The following TBCB variants were observed in gnomAD, a reference collection of about 807,000 sequenced individuals.
TBCB encodes the protein tubulin-folding cofactor B.
Under a neutral mutation model 29.2 loss-of-function variants are expected in TBCB, and 18 were observed. That is an observed-to-expected ratio of 0.62 (90% CI 0.43 to 0.91). TBCB has a LOEUF of 0.91. TBCB is among the 40% of genes least tolerant of loss of function. The pLI is 0.00. For synonymous variants in TBCB, 172 were observed against 137.8 expected (o/e 1.25, Z -1.74); for missense variants, 336 against 337.6 (o/e 1.00, Z 0.04).
intron 2 of TBCB, among the ~76,000 whole-genome samples, chr19:36,120,134 A>T (rs1415451406): frequency 6.6e-6 from 1 of 151,956 alleles, no homozygotes; most frequent in African/African-American, 2.4e-5. Context: ...CTCCATAGCC[A>T]TCCTCCAGTG....
rs897247511 is a variant in TBCB at position 36,122,505 on chromosome 19, C to T, written c.547+787C>T. 6.4e-5 allele frequency among the ~76,000 whole-genome samples: 9 copies of T among 141,336 alleles called. 1 individual carries two copies. The Admixed American group carries it at 7.0e-4, about 11-fold the overall frequency. 92.7% of individuals were successfully genotyped at this position (141,336 alleles called of 152,430 possible). A position where few individuals can be genotyped will look rare whatever the true frequency, so the allele number is the denominator to read the frequency against. ...ATCCCAGCACTTTGGGAGGCTGAGA[C>T]AGGAGGATCACTTGAACCCAGGAAT... On this transcript the variant is annotated intron_variant, in intron 4 of 5. Coordinates refer to ENST00000221855, the MANE Select transcript of TBCB (RefSeq NM_001281.3).
At chr19:36,115,742 G>A in intron 1 of TBCB, 68 bp downstream of exon 1, 1 of 1,294,716 alleles carries the variant, frequency 7.7e-7, no homozygotes, top group Non-Finnish European at 1.1e-6. Flanking sequence ...GAAGGGGGAG[G>A]CTGGGAGGGG....
At chr19:36,117,758 T>G (rs1973979532) in intron 2 of TBCB, 1 of 151,930 alleles carries the variant, frequency 6.6e-6, no homozygotes, top group African/African-American at 2.4e-5. Context: ...AGGGTGGAGT[T>G]TATTTATTTA....
At chr19:36,121,048 A>G (rs1974039971) in intron 3 of TBCB, among the ~76,000 whole-genome samples, 1 of 68,940 alleles carries the variant, frequency 1.5e-5, no homozygotes, top group Non-Finnish European at 2.8e-5. Flanking sequence ...GGGCTGGGAA[A>G]GTGGAGGGAG....
chr19:36,121,031 C>A (rs1472374393), intron 3 of TBCB, among the ~76,000 whole-genome samples: 1 of 53,048 alleles, frequency 1.9e-5, no homozygotes, highest in Non-Finnish European at 3.7e-5. Flanking sequence ...CAGACGTGGT[C>A]GGGGGAGGGC....
Position 36,115,610 on chromosome 19 carries a change from G to A in TBCB, c.50G>A (p.Ser17Asn), listed in dbSNP as rs147557343. 72 of 1,609,944 alleles carry A rather than the reference G, an allele frequency of 4.5e-5. No homozygotes were observed. The highest frequency in any genetic ancestry group is 5.4e-5 in the Non-Finnish European group (64 of 1,178,568). The change falls in exon 1 of 6, where the codon AGC becomes AAC. Residue 17 changes from serine (S) to asparagine (N), a missense_variant. By Grantham distance (46) the Ser-to-Asn change is conservative. Transcript: ENST00000221855. ...SAPTVTVFIS[S>N]SLNTFRSEKR... ...CCCACGGTGACCGTTTTCATCAGCA[G>A]CTCCCTCAACACCTTCCGCTCCGAG...
chr19:36,116,123 A>C lies in TBCB; in HGVS notation c.197A>C (p.Lys66Thr). The C allele has an allele frequency of 1.9e-6, 3 of 1,614,216 alleles. No individual in the cohort carries two copies. The highest frequency in any genetic ancestry group is 2.5e-6 in the Non-Finnish European group (3 of 1,180,040). Reference protein sequence around the residue: ...LYGVDDKFYSKLDQEDALLGS... With the variant: ...LYGVDDKFYSTLDQEDALLGS... ...GGAGTTGACGACAAGTTCTACAGCA[A>C]GCTGGATCAAGAGGATGCGCTCCTG... Residue 66 changes from lysine to threonine, a missense_variant, in exon 2 of 6, where the codon AAG becomes ACG. Transcript: ENST00000221855.
rs200123490 is a variant in TBCB at position 36,121,678 on chromosome 19, G to A, written c.507G>A (p.Ala169=). 2.5e-4 allele frequency: 398 copies of A among 1,561,266 alleles called. 2 individuals carry two copies. The Middle Eastern group carries it at 7.1e-3, about 28-fold the overall frequency. The part of the protein sequence containing the change: ...IPVGSRCEVR[A]AGQSPRRGTV... ...TGGGCAGCCGCTGTGAGGTGCGGGC[G>A]GCGGGACAATCCCCTCGCCGGGGCA... Residue 169 remains alanine (A), a synonymous_variant, in exon 4 of 6, where the codon GCG becomes GCA. Transcript: ENST00000221855.
At chr19:36,116,321 A>T (rs1973953911) in intron 2 of TBCB, 137 bp downstream of exon 2, 12 of 1,169,364 alleles carry the variant, frequency 1.0e-5, no homozygotes, top group African/African-American at 1.5e-5. Flanking sequence ...GCCTGACGAG[A>T]GACAGACCCA....
chr19:36,121,675 G>T lies in TBCB; in HGVS notation c.504G>T (p.Arg168=). 6.4e-7 allele frequency: 1 copy of T among 1,562,108 alleles called. No individual in the cohort carries two copies. Among genetic ancestry groups the T allele is most frequent in the Non-Finnish European group, 8.7e-7 (1 of 1,154,430 alleles). ...SIPVGSRCEV[R]AAGQSPRRGT... is the part of the protein sequence containing the mutation. ...CCGTGGGCAGCCGCTGTGAGGTGCGGGCGGCGGGACAATCCCCTCGCCGGG... is the reference window on the plus strand; with the variant it reads ...CCGTGGGCAGCCGCTGTGAGGTGCGTGCGGCGGGACAATCCCCTCGCCGGG... The change falls in exon 4 of 6, where the codon CGG becomes CGT. Residue 168 remains arginine, a synonymous_variant. Transcript: ENST00000221855.
Position 36,115,628 on chromosome 19 carries a change from G to T in TBCB, c.68G>T (p.Arg23Leu), listed in dbSNP as rs772790170. 4.4e-6 allele frequency: 7 copies of T among 1,608,244 alleles called. No individual in the cohort carries two copies. In the African/African-American group the frequency reaches 8.0e-5, roughly 18 times the overall value. ...VFISSSLNTF[R>L]SEKRYSRSLT... ...ATCAGCAGCTCCCTCAACACCTTCCGCTCCGAGAAGCGATACAGCCGCAGC... is the reference window on the plus strand; with the variant it reads ...ATCAGCAGCTCCCTCAACACCTTCCTCTCCGAGAAGCGATACAGCCGCAGC... The change falls in exon 1 of 6, where the codon CGC (arginine) becomes CTC (leucine). Residue 23 changes from arginine to leucine, a missense_variant. By Grantham distance (102) the Arg-to-Leu change is moderately radical. Coordinates refer to ENST00000221855, the MANE Select transcript of TBCB (RefSeq NM_001281.3).
upstream of TBCB, chr19:36,115,050 T>TA: frequency 1.6e-6 from 1 of 610,524 alleles, no homozygotes; most frequent in Non-Finnish European, 2.9e-6. Flanking sequence ...TTTGATATCT[T>TA]AGAGTAATTG....
chr19:36,122,883 A>G (rs1974079044), intron 4 of TBCB, among the ~76,000 whole-genome samples: 1 of 152,074 alleles, frequency 6.6e-6, no homozygotes, highest in African/African-American at 2.4e-5. Context: ...CGTACCCAAC[A>G]GATAATTTTT....
At position 36,115,668 on chromosome 19, in the gene TBCB, G is replaced by A. The variant is rs750433581; in HGVS notation, c.108G>A (p.Glu36=). 3.5e-6 allele frequency: 5 copies of A among 1,417,348 alleles called. No homozygotes were observed. The highest frequency in any genetic ancestry group is 3.5e-5 in the East Asian group (1 of 28,694). 87.8% of individuals were successfully genotyped at this position (1,417,348 alleles called of 1,614,324 possible). A position where few individuals can be genotyped will look rare whatever the true frequency, so the allele number is the denominator to read the frequency against. Residue 36 remains glutamate (E), a synonymous_variant, in exon 1 of 6, where the codon GAG becomes GAA. Coordinates refer to ENST00000221855, the MANE Select transcript of TBCB (RefSeq NM_001281.3). ...KRYSRSLTIA[E]FKCKLELLVG... The stretch of plus-strand genomic sequence containing the variant: ...ACAGCCGCAGCCTCACCATCGCTGA[G>A]TTCAAGGTGTGGCCATGGGGGCGGG...
At chr19:36,121,972 G>A (rs1407039217) in intron 4 of TBCB, 16 of 574,628 alleles carry the variant, frequency 2.8e-5, no homozygotes, top group Middle Eastern at 4.7e-4. Flanking sequence ...CCAGAGGCAC[G>A]CGGCCTGTGC....
intron 3 of TBCB, 48 bp downstream of exon 3, chr19:36,120,854 T>G: frequency 1.3e-6 from 2 of 1,582,918 alleles, no homozygotes; most frequent in Non-Finnish European, 1.7e-6. Context: ...AGAGGGAGTA[T>G]GTGCAGGTAT....
intron 2 of TBCB, among the ~76,000 whole-genome samples, chr19:36,117,370 G>A (rs1244520155): frequency 6.6e-6 from 1 of 152,150 alleles, no homozygotes; most frequent in East Asian, 1.9e-4. Flanking sequence ...TCGAGACAGA[G>A]TTTTGCCCTT....
In TBCB at chr19:36,125,434, T is replaced by C; in HGVS notation, c.548-17T>C. The C allele has an allele frequency of 1.9e-6, 3 of 1,613,892 alleles. No homozygotes were observed. In the South Asian group the frequency reaches 3.3e-5, roughly 18 times the overall value. On this transcript the variant is annotated splice_polypyrimidine_tract_variant and intron_variant, in intron 4 of 5. Transcript: ENST00000221855. ...CTATGTCCAGAAGCTTCACAGGGATTTCTCTTCTGTTGGCAGGTCTCACAG... is the reference window on the plus strand; with the variant it reads ...CTATGTCCAGAAGCTTCACAGGGATCTCTCTTCTGTTGGCAGGTCTCACAG...
chr19:36,115,462 G>A (rs1475932261), upstream of TBCB: 1 of 900,282 alleles, frequency 1.1e-6, no homozygotes, highest in Non-Finnish European at 1.7e-6. Flanking sequence ...CGGAGCAGGA[G>A]GCGGGGCTGA....
Sources: allele counts gnomAD v4.1 joint callset (sites outside exome capture counted in the v4.1 genomes callset), GRCh38; gene constraint gnomAD v4.1.1; transcripts MANE v1.5; gene names NCBI Gene and HGNC (gene_info 2026-07-23, HGNC 2026-07-21).